The following RP1 variants were observed in gnomAD, a reference collection of about 807,000 sequenced individuals.
RP1 encodes the protein RP1 axonemal microtubule associated, also known as oxygen-regulated protein 1.
A neutral mutation model predicts 14.8 loss-of-function variants in RP1; 16 were observed. That is an observed-to-expected ratio of 1.08 (90% confidence interval 0.73 to 1.65). RP1 has a LOEUF of 1.65. Among genes scored for constraint, RP1 ranks in the 40% most tolerant of loss-of-function variants. RP1 has a pLI of 0.00. For missense variants in RP1, 2,631 were observed against 2,535.0 expected, an observed-to-expected ratio of 1.04 and a Z score of -0.81; for synonymous variants, 876 against 883.6, an observed-to-expected ratio of 0.99 and a Z score of 0.15.
At chr8:54,679,987 A>T (rs1282236721) in intron 12 of RP1, 4 of 1,502,236 alleles carry the variant, frequency 2.7e-6, no homozygotes, top group Non-Finnish European at 3.5e-6. Flanking sequence ...AGTTAAAGGA[A>T]GGTAGATTTC....
At chr8:54,806,791 T>C (rs1054244442) in intron 24 of RP1, among the ~76,000 whole-genome samples, 2 of 152,220 alleles carry the variant, frequency 1.3e-5, no homozygotes, top group African/African-American at 4.8e-5. Context: ...CAAATTGTAA[T>C]GGGTGAAGAG....
exon 4 of RP1, chr8:54,649,148 T>C (rs1563337722): frequency 6.7e-7 from 1 of 1,483,496 alleles, no homozygotes; most frequent in Admixed American, 2.6e-5. Context: ...ACATATTTAC[T>C]GTAAGTAATA....
intron 12 of RP1, chr8:54,696,390 C>T (rs1428935700): frequency 9.2e-6 from 6 of 653,388 alleles, no homozygotes; most frequent in Admixed American, 2.6e-5. Flanking sequence ...TTGTGCAACA[C>T]TAGAAAGATG....
intron 12 of RP1, among the ~76,000 whole-genome samples, chr8:54,697,335 T>A (rs1439010063): frequency 6.6e-6 from 1 of 152,058 alleles, no homozygotes; most frequent in African/African-American, 2.4e-5. Flanking sequence ...CAGGTGGATC[T>A]CCTGAGGTCG....
chr8:54,734,834 C>T (rs1259537643), intron 18 of RP1: 2 of 1,043,442 alleles, frequency 1.9e-6, no homozygotes. Flanking sequence ...GTGTGTGTCT[C>T]CTATATAAAA....
At chr8:54,581,313 T>C (rs907140461) in intron 1 of RP1, among the ~76,000 whole-genome samples, 36 of 152,224 alleles carry the variant, frequency 2.4e-4, no homozygotes, top group African/African-American at 8.0e-4. Context: ...GCTTCATCCA[T>C]GTCCCTACGA....
intron 22 of RP1, among the ~76,000 whole-genome samples, chr8:54,765,007 T>C (rs1402329722): frequency 6.6e-6 from 1 of 152,062 alleles, no homozygotes; most frequent in Non-Finnish European, 1.5e-5. Flanking sequence ...CTGAAGTGGC[T>C]AGTTGGCCAA....
chr8:54,700,549 G>A (rs1807989425), intron 13 of RP1, among the ~76,000 whole-genome samples: 1 of 152,124 alleles, frequency 6.6e-6, no homozygotes, highest in South Asian at 2.1e-4. Context: ...ATTCTGATCA[G>A]TATGGAGCCT....
At chr8:54,863,044 G>GAGAT (rs766616305) in intron 27 of RP1, among the ~76,000 whole-genome samples, 9 of 101,846 alleles carry the variant, frequency 8.8e-5, no homozygotes, top group Admixed American at 2.2e-4. Flanking sequence ...ATTCCAAATG[G>GAGAT]ATATATATAT....
chr8:54,588,330 C>A (rs1804977297), intron 1 of RP1, among the ~76,000 whole-genome samples: 1 of 152,096 alleles, frequency 6.6e-6, no homozygotes, highest in Admixed American at 6.5e-5. Flanking sequence ...AAACACATAA[C>A]TGGAGAGCAA....
chr8:54,852,871 T>A (rs749385451), intron 26 of RP1: 30 of 533,868 alleles, frequency 5.6e-5, no homozygotes, highest in Non-Finnish European at 8.3e-5. Flanking sequence ...TTTCTTAGTG[T>A]GCATGTTATT....
chr8:54,676,739 G>A lies in RP1; in HGVS notation c.1403-1722G>A, dbSNP rs138702912. Among the ~76,000 whole-genome samples, 23 of 152,148 alleles carry A rather than the reference G, an allele frequency of 1.5e-4. No individual in the cohort carries two copies. The East Asian group carries it at 3.9e-3, about 26-fold the overall frequency. ...GAAAATGTAGGCAATATATTTTTAC[G>A]TTAATAATTTAAAAACTAACTTACT... is the stretch of plus-strand genomic sequence containing the variant. On this transcript the variant is annotated intron_variant, in intron 8 of 22. Coordinates refer to the RP1 transcript ENST00000636932.
chr8:54,607,997 G>A (rs182217486), intron 1 of RP1, among the ~76,000 whole-genome samples: 1,583 of 152,124 alleles, frequency 0.01, 23 homozygotes, highest in African/African-American at 0.033. Flanking sequence ...CTTCCTGGGT[G>A]AGGCGATGCC....
At chr8:54,769,689 TTCTC>T (rs754293916) in intron 22 of RP1, 9 of 1,187,128 alleles carry the variant, frequency 7.6e-6, no homozygotes, top group South Asian at 1.4e-5. Flanking sequence ...GAAATTAATT[TTCTC>T]TCTATTTTCT....
At chr8:54,592,602 G>A (rs1033169087) in intron 1 of RP1, among the ~76,000 whole-genome samples, 3 of 152,126 alleles carry the variant, frequency 2.0e-5, no homozygotes, top group Non-Finnish European at 4.4e-5. Context: ...CCCCGGGGTC[G>A]GATTTGGTTG....
chr8:54,695,196 A>G (rs893784502), intron 12 of RP1, among the ~76,000 whole-genome samples: 6 of 151,572 alleles, frequency 4.0e-5, no homozygotes, highest in Non-Finnish European at 5.9e-5. Flanking sequence ...AGTTTGTTAT[A>G]ATTTCTGTTC....
In RP1 at chr8:54,620,987, T is replaced by C; in HGVS notation, c.21T>C (p.Thr7=). 6 of 1,614,196 alleles carry C rather than the reference T, an allele frequency of 3.7e-6. No homozygotes were observed. The highest frequency in any genetic ancestry group is 1.7e-5 in the Admixed American group (1 of 60,024). The change falls in exon 2 of 4, where the codon ACT becomes ACC. Residue 7 remains threonine (T), a synonymous_variant. Transcript: ENST00000220676. ...CCAAAATGAGTGATACCCCTTCTACTGGTTTTTCCATCATTCATCCTACGT... is the reference window on the plus strand; with the variant it reads ...CCAAAATGAGTGATACCCCTTCTACCGGTTTTTCCATCATTCATCCTACGT... MSDTPS[T]GFSIIHPTSS...
At chr8:54,844,527 C>G (rs965938991) in intron 25 of RP1, among the ~76,000 whole-genome samples, 2 of 151,406 alleles carry the variant, frequency 1.3e-5, no homozygotes, top group Admixed American at 1.3e-4. Context: ...TATGTGTGTG[C>G]GTGTGTAGAC....
rs746945783 is a variant in RP1, at chr8:54,628,105, C to A, written c.4223C>A (p.Ala1408Glu). The A allele has an allele frequency of 1.4e-5, 22 of 1,613,946 alleles. 1 individual carries two copies. In the South Asian group the frequency reaches 2.1e-4, roughly 15 times the overall value. Residue 1408 changes from alanine to glutamate, a missense_variant, in exon 4 of 4, where the codon GCA (alanine) becomes GAA (glutamate). By Grantham distance (107) the Ala-to-Glu change is moderately radical (BLOSUM62 -1). Transcript: ENST00000220676. ...SCGLCLSEKE[A>E]ELDKKHSSLD... ...GGCCTTTGCCTAAGTGAAAAAGAAG[C>A]AGAACTTGATAAGAAACATAGTTCT...
Sources: gnomAD v4.1 joint callset for allele counts (sites outside exome capture counted in the v4.1 genomes callset) on GRCh38, gnomAD v4.1.1 for gene constraint, MANE v1.5 for transcripts, NCBI Gene and HGNC (gene_info 2026-07-23, HGNC 2026-07-21) for gene names.